PLXDC2: variants seen among roughly 807,000 people sequenced by gnomAD.
PLXDC2 encodes the protein plexin domain containing 2, also known as plexin domain-containing protein 2.
Under a neutral mutation model 68.9 loss-of-function variants are expected in PLXDC2, and 40 were observed. The ratio of observed to expected loss-of-function variants is 0.58; its 90% CI spans 0.45 to 0.76. PLXDC2 has a LOEUF of 0.76. Ranked by LOEUF, PLXDC2 falls within the 30% of genes least tolerant of loss-of-function variation. The pLI, the probability that PLXDC2 is intolerant of heterozygous loss-of-function variation, is 0.00. For missense variants in PLXDC2, 644 were observed against 661.9 expected (o/e 0.97, Z 0.30); for synonymous variants, 243 against 234.2 (o/e 1.04, Z -0.34).
intron 13 of PLXDC2, among the ~76,000 whole-genome samples, chr10:20,275,899 T>G (rs1447651467): frequency 6.6e-6 from 1 of 151,772 alleles, no homozygotes; most frequent in Non-Finnish European, 1.5e-5. Context: ...GCCAACAGAG[T>G]AAGACTCCAT....
chr10:20,226,938 A>G (rs895360656), intron 12 of PLXDC2, among the ~76,000 whole-genome samples: 6 of 151,646 alleles, frequency 4.0e-5, no homozygotes, highest in Admixed American at 2.6e-4. Context: ...AATCTGAGAT[A>G]TATGAGGGGC....
chr10:20,178,074 T>C (rs1480074151), intron 9 of PLXDC2, among the ~76,000 whole-genome samples: 1 of 152,166 alleles, frequency 6.6e-6, no homozygotes, highest in South Asian at 2.1e-4. Context: ...TATATTTTCA[T>C]AGCAAGGGTG....
intron 2 of PLXDC2, among the ~76,000 whole-genome samples, chr10:20,044,281 CTT>C (rs769498741): frequency 1.4e-4 from 11 of 81,302 alleles, no homozygotes; most frequent in Admixed American, 6.2e-4. Context: ...TTCTTTCTTT[CTT>C]TCTTTCTTTC....
intron 1 of PLXDC2, among the ~76,000 whole-genome samples, chr10:20,000,163 G>A (rs148675510): frequency 1.8e-3 from 267 of 152,268 alleles, no homozygotes; most frequent in South Asian, 7.9e-3. Flanking sequence ...TATAAAAAGA[G>A]ATATTTTCTA....
chr10:20,137,384 C>T (rs563344461), intron 4 of PLXDC2, among the ~76,000 whole-genome samples: 1 of 152,256 alleles, frequency 6.6e-6, no homozygotes, highest in African/African-American at 2.4e-5. Context: ...AGTCACATCA[C>T]TAGGAAGTCA....
intron 4 of PLXDC2, among the ~76,000 whole-genome samples, chr10:20,087,067 A>T (rs746785265): frequency 6.6e-6 from 1 of 152,258 alleles, no homozygotes; most frequent in Non-Finnish European, 1.5e-5. Flanking sequence ...ATAAAAAACA[A>T]TGTCAAAAAG....
At chr10:20,141,349 A>G (rs1196046974) in intron 4 of PLXDC2, among the ~76,000 whole-genome samples, 1 of 152,034 alleles carries the variant, frequency 6.6e-6, no homozygotes, top group Non-Finnish European at 1.5e-5. Flanking sequence ...ACATTTTGCA[A>G]CAGTGTATTT....
intron 13 of PLXDC2, among the ~76,000 whole-genome samples, chr10:20,261,240 G>A (rs1281363141): frequency 6.6e-6 from 1 of 152,098 alleles, no homozygotes; most frequent in Non-Finnish European, 1.5e-5. Context: ...TGAAGTTTCA[G>A]TGTGATATTC....
intron 1 of PLXDC2, among the ~76,000 whole-genome samples, chr10:19,899,242 C>G (rs1286382829): frequency 6.6e-6 from 1 of 152,140 alleles, no homozygotes; most frequent in African/African-American, 2.4e-5. Context: ...AGCTGCTTCT[C>G]ATAATTTTGC....
chr10:20,123,131 G>A (rs1190238989), intron 4 of PLXDC2, among the ~76,000 whole-genome samples: 1 of 152,208 alleles, frequency 6.6e-6, no homozygotes, highest in African/African-American at 2.4e-5. Flanking sequence ...CCAGGTGTGA[G>A]GAGGGGAGGT....
At chr10:19,888,912 C>T (rs1483623715) in intron 1 of PLXDC2, among the ~76,000 whole-genome samples, 2 of 152,032 alleles carry the variant, frequency 1.3e-5, no homozygotes, top group African/African-American at 4.8e-5. Context: ...AACCAGTATT[C>T]TTTGGTGACT....
rs115881347 is a variant in PLXDC2, at chr10:19,882,430, T to C, written c.112+65239T>C. On this transcript the variant is annotated intron_variant, in intron 1 of 13. Coordinates refer to ENST00000377252, the MANE Select transcript of PLXDC2 (RefSeq NM_032812.9). ...TCAGGAAGCCGAGGAAATGTTTAGG[T>C]TAATAATGGAAAAGCAAAGGAAGAG... 8.7e-3 allele frequency among the ~76,000 whole-genome samples: 1,317 copies of C among 152,128 alleles called. 16 individuals carry two copies. Among genetic ancestry groups the C allele is most frequent in the African/African-American group, 0.029 (1,213 of 41,520 alleles).
chr10:20,099,174 C>G (rs1394358639), intron 4 of PLXDC2, among the ~76,000 whole-genome samples: 2 of 152,114 alleles, frequency 1.3e-5, no homozygotes, highest in Non-Finnish European at 2.9e-5. Flanking sequence ...AAAAGCATTA[C>G]TAACAAGCAC....
chr10:19,974,759 A>C (rs547142578), intron 1 of PLXDC2, among the ~76,000 whole-genome samples: 2 of 152,324 alleles, frequency 1.3e-5, no homozygotes, highest in South Asian at 4.1e-4. Flanking sequence ...TTGGCATTCA[A>C]TAGATTTCAG....
At chr10:19,882,700 G>A (rs1269150704) in intron 1 of PLXDC2, among the ~76,000 whole-genome samples, 1 of 152,194 alleles carries the variant, frequency 6.6e-6, no homozygotes, top group Non-Finnish European at 1.5e-5. Context: ...ACGAATAGAT[G>A]AGATGTAGAT....
At chr10:20,256,777 A>G (rs1301897866) in intron 13 of PLXDC2, among the ~76,000 whole-genome samples, 2 of 152,128 alleles carry the variant, frequency 1.3e-5, no homozygotes, top group African/African-American at 4.8e-5. Context: ...TAATATGGAG[A>G]AAATTTGACG....
intron 1 of PLXDC2, among the ~76,000 whole-genome samples, chr10:19,881,759 A>G (rs565707780): frequency 3.3e-5 from 5 of 152,334 alleles, no homozygotes; most frequent in South Asian, 4.1e-4. Context: ...GAAACTGCCA[A>G]AAAGTTCTGA....
intron 2 of PLXDC2, among the ~76,000 whole-genome samples, chr10:20,007,508 G>A (rs960357634): frequency 2.0e-5 from 3 of 152,206 alleles, no homozygotes; most frequent in African/African-American, 7.2e-5. Flanking sequence ...GGACTGTACT[G>A]TGTGATTTTT....
At chr10:19,922,866 A>G (rs1313654658) in intron 1 of PLXDC2, among the ~76,000 whole-genome samples, 3 of 152,206 alleles carry the variant, frequency 2.0e-5, no homozygotes, top group African/African-American at 4.8e-5. Context: ...TATTAATAAC[A>G]TAGTACCAAG....
Sources: gnomAD v4.1 joint callset for allele counts (sites outside exome capture counted in the v4.1 genomes callset) on GRCh38, gnomAD v4.1.1 for gene constraint, MANE v1.5 for transcripts, NCBI Gene and HGNC (gene_info 2026-07-23, HGNC 2026-07-21) for gene names.